SPOCK1: variants seen among roughly 807,000 people sequenced by gnomAD.
SPOCK1 encodes SPARC (osteonectin), cwcv and kazal like domains proteoglycan 1.
SPOCK1 carries 23 observed loss-of-function variants against 55.3 expected under a neutral mutation model. The ratio of observed to expected loss-of-function variants is 0.42; its 90% CI spans 0.30 to 0.59. SPOCK1 has a LOEUF of 0.59. Ranked by LOEUF, SPOCK1 falls within the 20% of genes least tolerant of loss-of-function variation. The pLI is 0.22. For synonymous variants in SPOCK1, 226 were observed against 221.0 expected (o/e 1.02, Z -0.20); for missense variants, 499 against 552.5 (o/e 0.90, Z 0.97).
At chr5:137,201,220 CAGAGAAGCATGCTG>C (rs748406662) in intron 3 of SPOCK1, among the ~76,000 whole-genome samples, 11 of 152,158 alleles carry the variant, frequency 7.2e-5, no homozygotes, top group Non-Finnish European at 1.2e-4. Flanking sequence ...ACTGGACCAG[CAGAGAAGCATGCTG>C]CCCATCTAGG....
Position 137,178,705 on chromosome 5 carries a change from G to A in SPOCK1, c.233-38011C>T, listed in dbSNP as rs563070896. On this transcript the variant is annotated intron_variant, in intron 3 of 10. Transcript: ENST00000394945. ...TCACACCAGTCCTGCACCCTCAAGT[G>A]AGAAGGGGGCAGAAATAAGAAATGA... Among the ~76,000 whole-genome samples, 12 of 152,348 alleles carry A rather than the reference G, an allele frequency of 7.9e-5. No homozygotes were observed. In the South Asian group the frequency reaches 2.5e-3, roughly 32 times the overall value.
intron 2 of SPOCK1, among the ~76,000 whole-genome samples, chr5:137,386,889 A>G (rs957943663): frequency 6.6e-6 from 1 of 152,218 alleles, no homozygotes; most frequent in African/African-American, 2.4e-5. Flanking sequence ...GACTGGGGGA[A>G]AAATATGTGC....
Position 136,978,433 on chromosome 5 carries a change from TA to T in SPOCK1, c.*220del. 3 of 352,186 alleles carry T rather than the reference TA, an allele frequency of 8.5e-6. No homozygotes were observed. Among genetic ancestry groups the T allele is most frequent in the Non-Finnish European group, 1.5e-5 (3 of 206,876 alleles). The allele number at this position is 352,186 out of a possible 1,614,324, so 21.8% of individuals were successfully genotyped here. ...GCCAATGACTTCCCTATCCAAAAAA[TA>T]AACAACAACAAAAAAAAAACACAAC... On this transcript the variant is annotated 3_prime_UTR_variant, in exon 11 of 11. Transcript: ENST00000394945.
At chr5:137,079,530 G>A in intron 5 of SPOCK1, among the ~76,000 whole-genome samples, 1 of 37,696 alleles carries the variant, frequency 2.7e-5, no homozygotes, top group African/African-American at 6.4e-5. Context: ...CATCCCATCT[G>A]ATTCCCCCCC....
intron 3 of SPOCK1, among the ~76,000 whole-genome samples, chr5:137,263,247 C>T (rs1268282053): frequency 1.3e-5 from 2 of 152,146 alleles, no homozygotes; most frequent in Non-Finnish European, 2.9e-5. Context: ...TGAAAGACGC[C>T]TCAGAGTTTT....
chr5:137,363,182 G>T (rs531445852), intron 2 of SPOCK1, among the ~76,000 whole-genome samples: 6 of 152,278 alleles, frequency 3.9e-5, no homozygotes, highest in African/African-American at 1.4e-4. Context: ...ATGGGCATCT[G>T]CCCTGTAAGT....
At chr5:137,498,925 C>T (rs1204671247) in intron 1 of SPOCK1, among the ~76,000 whole-genome samples, 1 of 150,020 alleles carries the variant, frequency 6.7e-6, no homozygotes, top group African/African-American at 2.5e-5. Flanking sequence ...GCGGTGCACA[C>T]GGCTTTGGGG....
chr5:137,000,559 C>T (rs1365745497), intron 6 of SPOCK1, among the ~76,000 whole-genome samples: 1 of 152,074 alleles, frequency 6.6e-6, no homozygotes, highest in Non-Finnish European at 1.5e-5. Context: ...GAAGGTGCCC[C>T]AGTGCTGGAA....
chr5:137,414,802 C>A (rs1285506029), intron 2 of SPOCK1, among the ~76,000 whole-genome samples: 1 of 152,142 alleles, frequency 6.6e-6, no homozygotes. Context: ...CACCTAAGAT[C>A]TGGAGTTTCA....
intron 2 of SPOCK1, among the ~76,000 whole-genome samples, chr5:137,288,898 T>A (rs538973252): frequency 6.6e-6 from 1 of 152,348 alleles, no homozygotes; most frequent in African/African-American, 2.4e-5. Context: ...CAATTTTTCC[T>A]CAGTACTGAA....
intron 2 of SPOCK1, among the ~76,000 whole-genome samples, chr5:137,312,469 C>A (rs1283962108): frequency 6.6e-6 from 1 of 152,144 alleles, no homozygotes; most frequent in Admixed American, 6.5e-5. Flanking sequence ...CAGTCAAAAC[C>A]CTTTGTCACC....
rs546494577 is a variant in SPOCK1 at position 137,063,405 on chromosome 5, G to GAAA, written c.589+4307_589+4309dup. Among the ~76,000 whole-genome samples, 547 of 123,692 alleles carry GAAA rather than the reference G, an allele frequency of 4.4e-3. 4 individuals carry two copies. Among genetic ancestry groups the GAAA allele is most frequent in the African/African-American group, 0.014 (493 of 34,928 alleles). 81.1% of individuals were successfully genotyped at this position (123,692 alleles called of 152,430 possible). A position where few individuals can be genotyped will look rare whatever the true frequency, so the allele number is the denominator to read the frequency against. On this transcript the variant is annotated intron_variant, in intron 6 of 10. Coordinates refer to ENST00000394945, the MANE Select transcript of SPOCK1 (RefSeq NM_004598.4). Reference sequence around the variant, plus strand: ...CAAAAAAATCTTGGCTTTGACTTCTGAAAAAAAAAAAAAACAGATGAAACT... The same window carrying GAAA: ...CAAAAAAATCTTGGCTTTGACTTCTGAAAAAAAAAAAAAAAAACAGATGAAACT...
At chr5:137,276,975 G>A (rs1268263490) in intron 2 of SPOCK1, among the ~76,000 whole-genome samples, 1 of 152,010 alleles carries the variant, frequency 6.6e-6, no homozygotes, top group Non-Finnish European at 1.5e-5. Flanking sequence ...AAACATCAAA[G>A]TAATAGTAAT....
intron 2 of SPOCK1, among the ~76,000 whole-genome samples, chr5:137,492,035 G>A (rs1246807323): frequency 6.6e-6 from 1 of 152,136 alleles, no homozygotes; most frequent in Non-Finnish European, 1.5e-5. Flanking sequence ...AAACCCATAA[G>A]CTTGGTCAAC....
intron 6 of SPOCK1, among the ~76,000 whole-genome samples, chr5:137,012,656 A>G (rs1313281477): frequency 6.6e-6 from 1 of 152,212 alleles, no homozygotes; most frequent in African/African-American, 2.4e-5. Flanking sequence ...TCTAATAATT[A>G]GAGGCATGTT....
intron 4 of SPOCK1, among the ~76,000 whole-genome samples, chr5:137,134,528 T>C (rs868501615): frequency 6.6e-6 from 1 of 152,188 alleles, no homozygotes; most frequent in Non-Finnish European, 1.5e-5. Flanking sequence ...CCCAAAGCAA[T>C]GCATGAGCCA....
At chr5:137,104,918 A>G (rs1753335739) in intron 5 of SPOCK1, among the ~76,000 whole-genome samples, 1 of 152,222 alleles carries the variant, frequency 6.6e-6, no homozygotes, top group Non-Finnish European at 1.5e-5. Context: ...ATCATCCAAA[A>G]ACTATCCCTG....
At chr5:137,208,561 A>T (rs182152688) in intron 3 of SPOCK1, among the ~76,000 whole-genome samples, 9 of 152,348 alleles carry the variant, frequency 5.9e-5, no homozygotes, top group Admixed American at 5.9e-4. Context: ...TTGCAGCAAC[A>T]TGGATGCAGC....
chr5:137,216,999 A>G (rs1755728394), intron 3 of SPOCK1, among the ~76,000 whole-genome samples: 1 of 152,164 alleles, frequency 6.6e-6, no homozygotes. Context: ...GAGGTGGGTT[A>G]GGAGGCAAGT....
Sources: gnomAD v4.1 joint callset for allele counts (sites outside exome capture counted in the v4.1 genomes callset) on GRCh38, gnomAD v4.1.1 for gene constraint, MANE v1.5 for transcripts, NCBI Gene and HGNC (gene_info 2026-07-23, HGNC 2026-07-21) for gene names.